Variants in DOC2A observed in about 807,000 individuals in gnomAD.
DOC2A encodes double C2-like domain-containing protein alpha.
A neutral mutation model predicts 40.6 loss-of-function variants in DOC2A; 28 were observed. The observed-to-expected ratio is 0.69, with a 90% CI of 0.51 to 0.95. The LOEUF (loss-of-function observed/expected upper bound fraction) is 0.95. DOC2A is among the 40% of genes least tolerant of loss of function. The pLI, the probability that DOC2A is intolerant of heterozygous loss-of-function variation, is 0.00. For missense variants in DOC2A, 474 were observed against 552.5 expected, an observed-to-expected ratio of 0.86 and a Z score of 1.42; for synonymous variants, 241 against 236.9, an observed-to-expected ratio of 1.02 and a Z score of -0.16.
In DOC2A at chr16:30,006,906, C is replaced by T. The variant is rs958889356; in HGVS notation, c.757G>A (p.Gly253Ser). 29 of 1,613,126 alleles carry T rather than the reference C, an allele frequency of 1.8e-5. No individual in the cohort carries two copies. Among genetic ancestry groups the T allele is most frequent in the Non-Finnish European group, 2.5e-5 (29 of 1,179,600 alleles). ...TAGCTGAGACTCAGCAGGATGCGGC[C>T]ACGCTCCTCCAGCAGCCCCTGCCCC... Reference protein sequence around the residue: ...EQGQGLLEERGRILLSLSYSS... With the variant: ...EQGQGLLEERSRILLSLSYSS... The change falls in exon 8 of 11, where the codon GGC becomes AGC. Residue 253 changes from glycine (G) to serine (S), a missense_variant. Physicochemically the swap from Gly to Ser is moderately conservative, Grantham distance 56. Transcript: ENST00000350119. This position sits in a 1 kb window ranked among gnomAD's most constrained non-coding sequence, Gnocchi z 6.2.
intron 5 of DOC2A, chr16:30,007,542 G>A: frequency 3.5e-6 from 2 of 569,894 alleles, no homozygotes; most frequent in South Asian, 3.9e-5. Context: ...AAATCTTGGA[G>A]CACGCTGCTC....
At position 30,006,420 on chromosome 16, in the gene DOC2A, G is replaced by C; in HGVS notation, c.1050C>G (p.Asp350Glu). The C allele has an allele frequency of 6.2e-7, 1 of 1,613,552 alleles. No individual in the cohort carries two copies. Among genetic ancestry groups the C allele is most frequent in the Non-Finnish European group, 8.5e-7 (1 of 1,179,846 alleles). Residue 350 changes from aspartate (D) to glutamate (E), a missense_variant, in exon 10 of 11, where the codon GAC (aspartate) becomes GAG (glutamate). Transcript: ENST00000350119. This position sits in a 1 kb window ranked among gnomAD's most constrained non-coding sequence, Gnocchi z 6.2. ...AGCCAGCTCCTCCCTCACCAATGAAGTCATTGGATTTGCCAATGTCATAGT... is the reference window on the plus strand; with the variant it reads ...AGCCAGCTCCTCCCTCACCAATGAACTCATTGGATTTGCCAATGTCATAGT... ...VWDYDIGKSN[D>E]FIGGVSLGPG...
At chr16:30,016,045 ATATATATATATTTTT>A (rs1422545016), upstream of DOC2A, among the ~76,000 whole-genome samples, 1 of 22,824 alleles carries the variant, frequency 4.4e-5, no homozygotes, top group African/African-American at 1.5e-4. Context: ...ATATATATAT[ATATATATATATTTTT>A]TTTTTTTTTT....
chr16:30,018,212 C>T (rs924061623), intron 1 of DOC2A, among the ~76,000 whole-genome samples: 5 of 134,380 alleles, frequency 3.7e-5, no homozygotes, highest in African/African-American at 1.4e-4. Flanking sequence ...CCTGGGAGGT[C>T]GATGCTGCAG....
In DOC2A at chr16:30,009,835, C is replaced by T. The variant is rs904215833; in HGVS notation, c.262+126G>A. Reference sequence around the variant, plus strand: ...CTGCAGCTGTGGTGGCCGTCCCTGCCACCCCCCCACTGCCCTCCTCCCCTA... The same window carrying T: ...CTGCAGCTGTGGTGGCCGTCCCTGCTACCCCCCCACTGCCCTCCTCCCCTA... On this transcript the variant is annotated intron_variant, in intron 2 of 10. Transcript: ENST00000350119. The surrounding 1 kb of genome is among the most constrained non-coding windows in gnomAD (Gnocchi z 4.1). The T allele has an allele frequency of 4.4e-6, 5 of 1,149,294 alleles. No homozygotes were observed. The highest frequency in any genetic ancestry group is 2.8e-4 in the Middle Eastern group (1 of 3,570). The allele number at this position is 1,149,294 out of a possible 1,614,324, so 71.2% of individuals were successfully genotyped here.
rs372290822 is a variant in DOC2A, at chr16:30,009,243, C to T, written c.376G>A (p.Asp126Asn). The T allele has an allele frequency of 5.1e-6, 8 of 1,570,506 alleles. No homozygotes were observed. The highest frequency in any genetic ancestry group is 2.3e-5 in the East Asian group (1 of 42,720). Reference protein sequence around the residue: ...LKPMDFNGLADPYVKLHLLPG... With the variant: ...LKPMDFNGLANPYVKLHLLPG... ...AGCAAGTGCAGCTTGACGTAGGGGTCGGCGAGGCCATTGAAATCCATGGGC... is the reference window on the plus strand; with the variant it reads ...AGCAAGTGCAGCTTGACGTAGGGGTTGGCGAGGCCATTGAAATCCATGGGC... Residue 126 changes from aspartate (D) to asparagine (N), a missense_variant, in exon 4 of 11, where the codon GAC becomes AAC. Coordinates refer to ENST00000350119, the MANE Select transcript of DOC2A (RefSeq NM_003586.3). The surrounding 1 kb of genome is among the most constrained non-coding windows in gnomAD (Gnocchi z 4.1).
chr16:30,010,896 C>T lies in DOC2A; in HGVS notation c.-14+7G>A. 1 of 1,020,810 alleles carries T rather than the reference C, an allele frequency of 9.8e-7. No homozygotes were observed. The allele number at this position is 1,020,810 out of a possible 1,614,324, so 63.2% of individuals were successfully genotyped here. A position where few individuals can be genotyped will look rare whatever the true frequency, so the allele number is the denominator to read the frequency against. On this transcript the variant is annotated splice_region_variant and intron_variant, in intron 1 of 10. Coordinates refer to ENST00000350119, the MANE Select transcript of DOC2A (RefSeq NM_003586.3). This position sits in a 1 kb window ranked among gnomAD's most constrained non-coding sequence, Gnocchi z 4.2. The stretch of plus-strand genomic sequence containing the variant: ...CGCCCCCGGCCTGCCCAGCCCCCTG[C>T]ACCTGCCTCTGCCTCCAACAGGTGC...
chr16:30,018,595 G>A (rs923757011), intron 1 of DOC2A: 3 of 152,200 alleles, frequency 2.0e-5, no homozygotes, highest in African/African-American at 7.2e-5. Context: ...CATCCACTGA[G>A]ACGAAAAGAT....
At chr16:30,017,474 A>C (rs1166582195) in intron 1 of DOC2A, among the ~76,000 whole-genome samples, 1 of 152,190 alleles carries the variant, frequency 6.6e-6, no homozygotes, top group Non-Finnish European at 1.5e-5. Flanking sequence ...AAAAAGAATG[A>C]AATTATATCC....
In DOC2A at chr16:30,006,701, G is replaced by A. The variant is rs1489186284; in HGVS notation, c.879-24C>T. ...ACCTGGGGGTGGGGTGGAGGGAGAC[G>A]AACTGAGGGGTGAGGGACAGGCCAG... On this transcript the variant is annotated intron_variant, in intron 8 of 10. Transcript: ENST00000350119. The surrounding 1 kb of genome is among the most constrained non-coding windows in gnomAD (Gnocchi z 6.2). The A allele has an allele frequency of 2.5e-6, 4 of 1,613,620 alleles. No homozygotes were observed. The highest frequency in any genetic ancestry group is 3.3e-5 in the Admixed American group (2 of 59,982).
rs377448847 is a variant in DOC2A, at chr16:30,009,055, C to A, written c.468G>T (p.Trp156Cys). The A allele has an allele frequency of 1.9e-6, 3 of 1,614,126 alleles. No homozygotes were observed. Among genetic ancestry groups the A allele is most frequent in the Non-Finnish European group, 2.5e-6 (3 of 1,180,018 alleles). ...TCCCGCTGTAAGTCAGGTCCTCATT[C>A]CACACGGGATTCAGTGTGTTCCTCT... Reference protein sequence around the residue: ...KTQRNTLNPVWNEDLTYSGIT... With the variant: ...KTQRNTLNPVCNEDLTYSGIT... The change falls in exon 5 of 11, where the codon TGG becomes TGT. Residue 156 changes from tryptophan (W) to cysteine (C), a missense_variant. Trp to Cys is a radical substitution (Grantham distance 215, BLOSUM62 -2). Coordinates refer to ENST00000350119, the MANE Select transcript of DOC2A (RefSeq NM_003586.3). This position sits in a 1 kb window ranked among gnomAD's most constrained non-coding sequence, Gnocchi z 4.1.
At chr16:30,008,749 G>A (rs1218773832) in intron 5 of DOC2A, 15 of 451,448 alleles carry the variant, frequency 3.3e-5, no homozygotes, top group Middle Eastern at 6.6e-4. Flanking sequence ...CAAGTGATCC[G>A]CCCACCTCGG....
upstream of DOC2A, among the ~76,000 whole-genome samples, chr16:30,016,043 ATATATATATATATT>A (rs2070851990): frequency 4.4e-5 from 1 of 22,716 alleles, no homozygotes; most frequent in Non-Finnish European, 8.1e-5. Flanking sequence ...ATATATATAT[ATATATATATATATT>A]TTTTTTTTTT....
upstream of DOC2A, chr16:30,012,132 C>G (rs919801842): frequency 6.6e-6 from 1 of 152,616 alleles, no homozygotes; most frequent in Non-Finnish European, 1.5e-5. Flanking sequence ...CTCACCCAAC[C>G]GTTTCCTGCA....
chr16:30,016,020 AATATATAT>A (rs1161591964), upstream of DOC2A, among the ~76,000 whole-genome samples: 106 of 61,144 alleles, frequency 1.7e-3, no homozygotes, highest in South Asian at 2.8e-3. Flanking sequence ...CCAGCACAAT[AATATATAT>A]ATATATATAT....
chr16:30,006,748 G>T lies in DOC2A; in HGVS notation c.878+37C>A, dbSNP rs369218348. 2 of 1,613,668 alleles carry T rather than the reference G, an allele frequency of 1.2e-6. No homozygotes were observed. Among genetic ancestry groups the T allele is most frequent in the African/African-American group, 2.7e-5 (2 of 74,878 alleles). On this transcript the variant is annotated intron_variant, in intron 8 of 10. Transcript: ENST00000350119. This position sits in a 1 kb window ranked among gnomAD's most constrained non-coding sequence, Gnocchi z 6.2. ...CCAGGCCCAACTCAGGCCAGGGCAGGCTCCCTGGGGAGGAGAGGGTCAGAG... is the reference window on the plus strand; with the variant it reads ...CCAGGCCCAACTCAGGCCAGGGCAGTCTCCCTGGGGAGGAGAGGGTCAGAG...
upstream of DOC2A, among the ~76,000 whole-genome samples, chr16:30,016,799 CACA>C (rs1438450753): frequency 6.6e-6 from 1 of 152,178 alleles, no homozygotes; most frequent in Non-Finnish European, 1.5e-5. Flanking sequence ...GCTGTGACTT[CACA>C]GCCTCATAGG....
intron 1 of DOC2A, among the ~76,000 whole-genome samples, chr16:30,017,674 T>C (rs2070867565): frequency 6.6e-6 from 1 of 152,000 alleles, no homozygotes; most frequent in East Asian, 1.9e-4. Flanking sequence ...AAACTACCTA[T>C]TGCCGGGTGC....
chr16:30,022,051 C>A (rs371039884), upstream of DOC2A, among the ~76,000 whole-genome samples: 2 of 151,386 alleles, frequency 1.3e-5, no homozygotes, highest in Middle Eastern at 3.4e-3. Flanking sequence ...GAGTTCAAGA[C>A]CAGCCTGGCC....
Sources: gnomAD v4.1 joint callset for allele counts (sites outside exome capture counted in the v4.1 genomes callset) on GRCh38, gnomAD v4.1.1 for gene constraint, Gnocchi (gnomAD v3.1) non-coding constraint, MANE v1.5 for transcripts, NCBI Gene and HGNC (gene_info 2026-07-23, HGNC 2026-07-21) for gene names.